The following CHSY3 variants were observed in gnomAD, a reference collection of about 807,000 sequenced individuals.
CHSY3 encodes the protein N-acetylgalactosaminyl-proteoglycan 3-beta-glucuronosyltransferase 3.
CHSY3 carries 35 observed loss-of-function variants against 67.2 expected under a neutral mutation model. The ratio of observed to expected loss-of-function variants is 0.52; its 90% CI spans 0.40 to 0.69. The LOEUF is 0.69. CHSY3 is among the 30% of genes least tolerant of loss of function. The pLI, the probability that CHSY3 is intolerant of heterozygous loss-of-function variation, is 0.00. For missense variants in CHSY3, 1,069 were observed against 1,138.5 expected (o/e 0.94, Z 0.88); for synonymous variants, 474 against 434.7 (o/e 1.09, Z -1.12).
At chr5:129,907,785 T>G (rs960093525) in intron 1 of CHSY3, among the ~76,000 whole-genome samples, 1 of 152,220 alleles carries the variant, frequency 6.6e-6, no homozygotes, top group African/African-American at 2.4e-5. Context: ...GAAACCTGTC[T>G]TTACTTTCCT....
At chr5:130,123,488 C>G (rs918055093) in intron 2 of CHSY3, among the ~76,000 whole-genome samples, 1 of 152,148 alleles carries the variant, frequency 6.6e-6, no homozygotes, top group African/African-American at 2.4e-5. Flanking sequence ...CGTTCCTTCT[C>G]CTATGATAAT....
intron 2 of CHSY3, among the ~76,000 whole-genome samples, chr5:129,980,108 C>T (rs1354056055): frequency 6.6e-6 from 1 of 152,172 alleles, no homozygotes; most frequent in Non-Finnish European, 1.5e-5. Context: ...AGGGTAAATA[C>T]TACAAAGTGT....
At position 130,143,830 on chromosome 5, in the gene CHSY3, A is replaced by G. The variant is rs181120371; in HGVS notation, c.1087-40399A>G. ...TGTGTGTATATATATATATATATAT[A>G]TATATATATATATATATGCCAATTC... is the stretch of plus-strand genomic sequence containing the variant. On this transcript the variant is annotated intron_variant, in intron 2 of 2. Coordinates refer to ENST00000305031, the MANE Select transcript of CHSY3 (RefSeq NM_175856.5). Among the ~76,000 whole-genome samples, 1,085 of 131,244 alleles carry G rather than the reference A, an allele frequency of 8.3e-3. 51 individuals are homozygous for G. The highest frequency in any genetic ancestry group is 0.028 in the African/African-American group (989 of 34,830). The allele number at this position is 131,244 out of a possible 152,430, so 86.1% of individuals were successfully genotyped here.
intron 2 of CHSY3, among the ~76,000 whole-genome samples, chr5:129,962,537 A>G (rs1762360912): frequency 6.6e-6 from 1 of 151,940 alleles, no homozygotes; most frequent in Non-Finnish European, 1.5e-5. Context: ...CCCTGCTTAA[A>G]ACTATTTAGT....
chr5:129,944,161 A>G (rs547749778), intron 2 of CHSY3, among the ~76,000 whole-genome samples: 1 of 152,240 alleles, frequency 6.6e-6, no homozygotes, highest in Non-Finnish European at 1.5e-5. Flanking sequence ...TAAAAGAGAC[A>G]GTGCCTCTGA....
chr5:130,016,102 G>A (rs1764212141), intron 2 of CHSY3, among the ~76,000 whole-genome samples: 2 of 152,182 alleles, frequency 1.3e-5, no homozygotes, highest in South Asian at 4.1e-4. Flanking sequence ...AGGAAGGATG[G>A]TAAGGATTGA....
intron 2 of CHSY3, among the ~76,000 whole-genome samples, chr5:130,095,476 A>G (rs1381536062): frequency 6.6e-6 from 1 of 152,232 alleles, no homozygotes; most frequent in Non-Finnish European, 1.5e-5. Context: ...TAAAAAGATT[A>G]TAATAGTGGA....
chr5:130,023,084 CATA>C (rs974738219), intron 2 of CHSY3, among the ~76,000 whole-genome samples: 7 of 151,980 alleles, frequency 4.6e-5, no homozygotes, highest in East Asian at 1.9e-4. Flanking sequence ...TGAAACATTT[CATA>C]ATAACTTCTA....
At chr5:129,992,204 A>G (rs1470796636) in intron 2 of CHSY3, among the ~76,000 whole-genome samples, 1 of 152,176 alleles carries the variant, frequency 6.6e-6, no homozygotes, top group Non-Finnish European at 1.5e-5. Context: ...CACTTTTGCT[A>G]AGGCACACAC....
At chr5:130,053,373 G>A (rs1368675913) in intron 2 of CHSY3, among the ~76,000 whole-genome samples, 3 of 152,090 alleles carry the variant, frequency 2.0e-5, no homozygotes, top group Non-Finnish European at 4.4e-5. Flanking sequence ...AAGCTATATA[G>A]GGTGAAATGT....
intron 2 of CHSY3, among the ~76,000 whole-genome samples, chr5:129,977,972 A>T (rs1351799156): frequency 6.6e-6 from 1 of 152,112 alleles, no homozygotes; most frequent in Non-Finnish European, 1.5e-5. Flanking sequence ...ACTGAAAGAA[A>T]TCAATCTGAA....
chr5:130,141,530 C>G (rs1238487126), intron 2 of CHSY3: 1 of 392,996 alleles, frequency 2.5e-6, no homozygotes, highest in East Asian at 5.9e-5. Flanking sequence ...GTTATTATCA[C>G]TAATGACAAG....
chr5:130,078,842 CTA>C (rs1766355941), intron 2 of CHSY3, among the ~76,000 whole-genome samples: 1 of 152,124 alleles, frequency 6.6e-6, no homozygotes, highest in Non-Finnish European at 1.5e-5. Context: ...ACAGCTGTGC[CTA>C]TTGGAGAGGC....
At chr5:129,998,132 TA>T (rs1763602557) in intron 2 of CHSY3, among the ~76,000 whole-genome samples, 3 of 152,224 alleles carry the variant, frequency 2.0e-5, no homozygotes. Context: ...ACCAACAGTG[TA>T]AAAGCATTCC....
At chr5:129,924,829 C>A (rs1761046656) in intron 2 of CHSY3, among the ~76,000 whole-genome samples, 2 of 152,042 alleles carry the variant, frequency 1.3e-5, no homozygotes, top group South Asian at 2.1e-4. Flanking sequence ...ATAGCATCCT[C>A]CAATTAACAC....
intron 2 of CHSY3, among the ~76,000 whole-genome samples, chr5:130,074,133 C>G (rs1041956965): frequency 2.6e-5 from 4 of 151,988 alleles, no homozygotes; most frequent in African/African-American, 7.3e-5. Context: ...TGCAGTAGCA[C>G]GAACTCAGCT....
chr5:130,131,709 G>A (rs576955690), intron 2 of CHSY3, among the ~76,000 whole-genome samples: 1 of 152,184 alleles, frequency 6.6e-6, no homozygotes, highest in East Asian at 1.9e-4. Flanking sequence ...CAGTTCAAAG[G>A]CCCTATAGAG....
At chr5:130,019,414 G>A (rs763783791) in intron 2 of CHSY3, among the ~76,000 whole-genome samples, 3 of 151,984 alleles carry the variant, frequency 2.0e-5, no homozygotes, top group Non-Finnish European at 2.9e-5. Context: ...TACTCATACA[G>A]TCCCCCAACA....
intron 2 of CHSY3, among the ~76,000 whole-genome samples, chr5:130,062,069 C>A (rs1257677763): frequency 6.6e-6 from 1 of 152,030 alleles, no homozygotes; most frequent in African/African-American, 2.4e-5. Flanking sequence ...GAAAAGAAAT[C>A]ATTCTATCAA....
Sources: gnomAD v4.1 joint callset for allele counts (sites outside exome capture counted in the v4.1 genomes callset) on GRCh38, gnomAD v4.1.1 for gene constraint, MANE v1.5 for transcripts, NCBI Gene and HGNC (gene_info 2026-07-23, HGNC 2026-07-21) for gene names.